ZBTB10: variants seen among roughly 807,000 people sequenced by gnomAD.
ZBTB10 encodes zinc finger and BTB domain containing 10, also known as zinc finger and BTB domain-containing protein 10.
A neutral mutation model predicts 76.4 loss-of-function variants in ZBTB10; 32 were observed. The observed-to-expected ratio is 0.42, with a 90% CI of 0.32 to 0.56. The LOEUF (loss-of-function observed/expected upper bound fraction) is 0.56, where lower values mean the gene tolerates loss of function less well. ZBTB10 is among the 20% of genes least tolerant of loss of function. ZBTB10 has a pLI of 0.14. For synonymous variants in ZBTB10, 523 were observed against 432.9 expected, an observed-to-expected ratio of 1.21 and a Z score of -2.58; for missense variants, 1,057 against 1,098.5, an observed-to-expected ratio of 0.96 and a Z score of 0.53.
chr8:80,514,089 C>G (rs536901968), intron 3 of ZBTB10, 81 bp downstream of exon 3: 1 of 1,281,962 alleles, frequency 7.8e-7, no homozygotes. Context: ...TGTAATTTCT[C>G]TTCCATAAGG....
In ZBTB10 at chr8:80,486,480, C is replaced by G; in HGVS notation, c.-331C>G. ...GCACTCCGCTGCTCAACTTCGAAGG[C>G]CTCGCTCGCTGCAGGCTCGCTCCTC... On this transcript the variant is annotated 5_prime_UTR_variant, in exon 1 of 6. Transcript: ENST00000455036. The G allele has an allele frequency of 1.0e-6, 1 of 985,280 alleles. No individual in the cohort carries two copies. Among genetic ancestry groups the G allele is most frequent in the Non-Finnish European group, 1.2e-6 (1 of 830,002 alleles). 61.0% of individuals were successfully genotyped at this position (985,280 alleles called of 1,614,324 possible).
intron 3 of ZBTB10, among the ~76,000 whole-genome samples, chr8:80,515,876 A>G (rs1332727104): frequency 6.6e-6 from 1 of 152,228 alleles, no homozygotes; most frequent in Non-Finnish European, 1.5e-5. Flanking sequence ...CCTTAAGTGT[A>G]TTGAATTACA....
chr8:80,514,209 ATTTGT>A (rs1421180391), intron 3 of ZBTB10, among the ~76,000 whole-genome samples: 1 of 152,332 alleles, frequency 6.6e-6, no homozygotes, highest in African/African-American at 2.4e-5. Context: ...TGACGGAGTC[ATTTGT>A]TTAGTTTTAA....
In ZBTB10 at chr8:80,523,021, A is replaced by T. The variant is rs1383342842; in HGVS notation, c.*3493A>T. 2.0e-5 allele frequency: 3 copies of T among 151,956 alleles called. No individual in the cohort carries two copies. The highest frequency in any genetic ancestry group is 2.1e-4 in the South Asian group (1 of 4,818). 9.4% of individuals were successfully genotyped at this position (151,956 alleles called of 1,614,324 possible). A position where few individuals can be genotyped will look rare whatever the true frequency, so the allele number is the denominator to read the frequency against. On this transcript the variant is annotated 3_prime_UTR_variant, in exon 6 of 6. Transcript: ENST00000455036. ...AGATTCATTTTTCTGAAAAACGATT[A>T]AAAAAACTACCAATTTTTTTTTTGA...
Position 80,513,927 on chromosome 8 carries a change from C to T in ZBTB10, c.1879C>T (p.Leu627Phe). The T allele has an allele frequency of 6.2e-7, 1 of 1,613,346 alleles. No homozygotes were observed. The highest frequency in any genetic ancestry group is 8.5e-7 in the Non-Finnish European group (1 of 1,179,546). The change falls in exon 3 of 6, where the codon CTC (leucine) becomes TTC (phenylalanine). Residue 627 changes from leucine to phenylalanine, a missense_variant. Leu to Phe is a conservative substitution (Grantham distance 22). Transcript: ENST00000455036. ...KEEPDLDGALLSGPDGDRNVN... is the reference protein window; with the variant it reads ...KEEPDLDGALFSGPDGDRNVN... ...CTTTTCAGATTTAGATGGTGCTCTACTCTCGGGGCCAGATGGTGATAGGAA... is the reference window on the plus strand; with the variant it reads ...CTTTTCAGATTTAGATGGTGCTCTATTCTCGGGGCCAGATGGTGATAGGAA...
At chr8:80,515,912 T>A (rs548455859) in intron 3 of ZBTB10, among the ~76,000 whole-genome samples, 1 of 152,236 alleles carries the variant, frequency 6.6e-6, no homozygotes, top group Non-Finnish European at 1.5e-5. Context: ...TTTAGGCCAC[T>A]CTTGTAATTC....
intron 2 of ZBTB10, among the ~76,000 whole-genome samples, chr8:80,504,345 C>A (rs1375580173): frequency 1.3e-5 from 2 of 152,156 alleles, no homozygotes; most frequent in African/African-American, 2.4e-5. Flanking sequence ...GGGGTCTCTT[C>A]TAGTTACTGT....
At position 80,487,056 on chromosome 8, in the gene ZBTB10, G is replaced by C. The variant is rs1468338632; in HGVS notation, c.246G>C (p.Gly82=). 5.3e-6 allele frequency: 8 copies of C among 1,515,804 alleles called. No individual in the cohort carries two copies. The highest frequency in any genetic ancestry group is 5.3e-5 in the East Asian group (2 of 38,068). 93.9% of individuals were successfully genotyped at this position (1,515,804 alleles called of 1,614,324 possible). A position where few individuals can be genotyped will look rare whatever the true frequency, so the allele number is the denominator to read the frequency against. Residue 82 remains glycine (G), a synonymous_variant, in exon 1 of 6, where the codon GGG becomes GGC. Transcript: ENST00000455036. Reference sequence around the variant, plus strand: ...CCCAAGACCTGGAGGCCTCCGCCGGGCCGGCCGCCGGCGCCGCCGAGGAAG... The same window carrying C: ...CCCAAGACCTGGAGGCCTCCGCCGGCCCGGCCGCCGGCGCCGCCGAGGAAG... The part of the protein sequence containing the change: ...LEPQDLEASA[G]PAAGAAEEAK...
Position 80,488,439 on chromosome 8 carries a change from A to G in ZBTB10, c.972+657A>G, listed in dbSNP as rs73257148. ...AAATTATTGTAGTTTTTACTTGTTTACTTTTACTCAGATTTTTGTGCTGAG... is the reference window on the plus strand; with the variant it reads ...AAATTATTGTAGTTTTTACTTGTTTGCTTTTACTCAGATTTTTGTGCTGAG... On this transcript the variant is annotated intron_variant, in intron 1 of 5. Transcript: ENST00000455036. 5.4e-3 allele frequency among the ~76,000 whole-genome samples: 816 copies of G among 152,254 alleles called. 8 individuals are homozygous for G. The highest frequency in any genetic ancestry group is 0.018 in the African/African-American group (738 of 41,552).
rs1355318565 is a variant in ZBTB10, at chr8:80,501,618, TG to T, written c.1861+1237del. ...AAAATGCCATAGTAATCCTGTGAAA[TG>T]TTCCTCTGGCTTTTTAGATTTGGGT... On this transcript the variant is annotated intron_variant, in intron 2 of 5. Transcript: ENST00000455036. Among the ~76,000 whole-genome samples, 3 of 152,252 alleles carry T rather than the reference TG, an allele frequency of 2.0e-5. No individual in the cohort carries two copies. The East Asian group carries it at 5.8e-4, about 29-fold the overall frequency.
At chr8:80,490,907 C>T (rs764875540) in intron 1 of ZBTB10, among the ~76,000 whole-genome samples, 5 of 152,136 alleles carry the variant, frequency 3.3e-5, no homozygotes, top group East Asian at 1.9e-4. Flanking sequence ...AAATTACTAT[C>T]GCCTGGTGAT....
chr8:80,519,302 A>G lies in ZBTB10; in HGVS notation c.2390A>G (p.His797Arg). ...FMLAASVGIRHGSRRYGVCVD... is the reference protein window; with the variant it reads ...FMLAASVGIRRGSRRYGVCVD... ...TTAGCAGCCAGTGTTGGAATAAGAC[A>G]TGGATCTCGACGTTATGGTGTTTGT... The change falls in exon 6 of 6, where the codon CAT (histidine) becomes CGT (arginine). Residue 797 changes from histidine (H) to arginine (R), a missense_variant. His to Arg is a conservative substitution (Grantham distance 29). Transcript: ENST00000455036. The G allele has an allele frequency of 6.2e-7, 1 of 1,613,864 alleles. No homozygotes were observed. The highest frequency in any genetic ancestry group is 8.5e-7 in the Non-Finnish European group (1 of 1,179,814).
chr8:80,505,722 T>C (rs891485170), intron 2 of ZBTB10, among the ~76,000 whole-genome samples: 8 of 151,974 alleles, frequency 5.3e-5, no homozygotes, highest in South Asian at 2.1e-4. Context: ...TAGATAGATA[T>C]AAGAAATCGT....
Position 80,486,668 on chromosome 8 carries a change from CGAGA to C in ZBTB10, c.-141_-138del. 1.0e-6 allele frequency: 1 copy of C among 988,612 alleles called. No homozygotes were observed. Among genetic ancestry groups the C allele is most frequent in the Non-Finnish European group, 1.2e-6 (1 of 832,704 alleles). 61.2% of individuals were successfully genotyped at this position (988,612 alleles called of 1,614,324 possible). ...AGCGAGCGCGAGCCGGGCTGCCGGGCGAGAGGGCGAGGCCGAGCCCCGCGAGACC... is the reference window on the plus strand; with the variant it reads ...AGCGAGCGCGAGCCGGGCTGCCGGGCGGGCGAGGCCGAGCCCCGCGAGACC... On this transcript the variant is annotated 5_prime_UTR_variant, in exon 1 of 6. Coordinates refer to ENST00000455036, the MANE Select transcript of ZBTB10 (RefSeq NM_001105539.3).
At chr8:80,493,675 A>G (rs528065143) in intron 1 of ZBTB10, among the ~76,000 whole-genome samples, 134 of 150,762 alleles carry the variant, frequency 8.9e-4, no homozygotes, top group Non-Finnish European at 1.3e-3. Flanking sequence ...AACAAAAAAA[A>G]AAAACCGAGC....
At chr8:80,493,184 TGCCTCAAAACGC>T (rs1455180650) in intron 1 of ZBTB10, among the ~76,000 whole-genome samples, 3 of 143,524 alleles carry the variant, frequency 2.1e-5, no homozygotes, top group African/African-American at 7.8e-5. Flanking sequence ...AGCAAGACTG[TGCCTCAAAACGC>T]GCGCGCGCGC....
At position 80,487,254 on chromosome 8, in the gene ZBTB10, G is replaced by C; in HGVS notation, c.444G>C (p.Trp148Cys). The change falls in exon 1 of 6, where the codon TGG (tryptophan) becomes TGC (cysteine). Residue 148 changes from tryptophan (W) to cysteine (C), a missense_variant. Transcript: ENST00000455036. Reference protein sequence around the residue: ...SSRGRPETSVWPLRHFNGRGP... With the variant: ...SSRGRPETSVCPLRHFNGRGP... ...GCGGCCGCCCCGAGACCTCGGTGTG[G>C]CCCTTGAGGCATTTCAATGGGCGAG... 1 of 1,551,220 alleles carries C rather than the reference G, an allele frequency of 6.4e-7. No individual in the cohort carries two copies. The highest frequency in any genetic ancestry group is 2.4e-5 in the East Asian group (1 of 41,122).
At chr8:80,493,782 A>AT (rs898570478) in intron 1 of ZBTB10, among the ~76,000 whole-genome samples, 1 of 152,242 alleles carries the variant, frequency 6.6e-6, no homozygotes, top group African/African-American at 2.4e-5. Flanking sequence ...GTGAGCCGAG[A>AT]TCGCGCCCTT....
chr8:80,509,948 T>C (rs1181123557), intron 2 of ZBTB10, among the ~76,000 whole-genome samples: 1 of 152,056 alleles, frequency 6.6e-6, no homozygotes, highest in Non-Finnish European at 1.5e-5. Flanking sequence ...ATTGTACCCG[T>C]CCTTCCATGA....
Sources: allele counts gnomAD v4.1 joint callset (sites outside exome capture counted in the v4.1 genomes callset), GRCh38; gene constraint gnomAD v4.1.1; transcripts MANE v1.5; gene names NCBI Gene and HGNC (gene_info 2026-07-23, HGNC 2026-07-21).